MCRIP1: variants seen among roughly 807,000 people sequenced by gnomAD.
MCRIP1 encodes mapk-regulated corepressor-interacting protein 1.
A neutral mutation model predicts 14.4 loss-of-function variants in MCRIP1; 10 were observed. The observed-to-expected ratio is 0.70, with a 90% CI of 0.43 to 1.18. The LOEUF (loss-of-function observed/expected upper bound fraction) is 1.18. MCRIP1 is among the 50% of genes most tolerant of loss of function. MCRIP1 has a pLI of 0.00. For missense variants in MCRIP1, 119 were observed against 135.4 expected (o/e 0.88, Z 0.60); for synonymous variants, 53 against 55.7 (o/e 0.95, Z 0.21).
chr17:81,826,416 C>CA (rs1372512914), intron 1 of MCRIP1: 1 of 1,521,514 alleles, frequency 6.6e-7, no homozygotes, highest in East Asian at 2.5e-5. Context: ...CCCAGCTACT[C>CA]AGAGGCTGGG....
chr17:81,826,060 T>C, intron 1 of MCRIP1: 1 of 1,454,326 alleles, frequency 6.9e-7, no homozygotes, highest in Non-Finnish European at 9.1e-7. Context: ...GTGGCTCTTC[T>C]CCCCATGCAT....
intron 1 of MCRIP1, chr17:81,826,412 T>C: frequency 6.6e-7 from 1 of 1,525,024 alleles, no homozygotes; most frequent in Non-Finnish European, 8.8e-7. Context: ...TAGTCCCAGC[T>C]ACTCAGAGGC....
intron 1 of MCRIP1, chr17:81,826,400 T>C: frequency 6.5e-7 from 1 of 1,534,562 alleles, no homozygotes; most frequent in Non-Finnish European, 8.7e-7. Flanking sequence ...AGCATGCACT[T>C]GTAGTCCCAG....
intron 1 of MCRIP1, among the ~76,000 whole-genome samples, chr17:81,832,536 G>A (rs764002920): frequency 3.3e-5 from 5 of 152,212 alleles, no homozygotes; most frequent in African/African-American, 4.8e-5. Context: ...TTACACCTCA[G>A]GGCCTTTGGT....
Position 81,824,557 on chromosome 17 carries a change from G to A in MCRIP1, c.-48-3C>T, listed in dbSNP as rs931675853. 6.5e-7 allele frequency: 1 copy of A among 1,535,912 alleles called. No individual in the cohort carries two copies. Among genetic ancestry groups the A allele is most frequent in the Admixed American group, 2.0e-5 (1 of 50,996 alleles). On this transcript the variant is annotated splice_polypyrimidine_tract_variant and splice_region_variant and intron_variant, in intron 1 of 4. Transcript: ENST00000455127. Reference sequence around the variant, plus strand: ...CCACCGCCAGATCCCCTCAGCCTCTGAAACAGAAGCCAGCGCAGGCATGGG... The same window carrying A: ...CCACCGCCAGATCCCCTCAGCCTCTAAAACAGAAGCCAGCGCAGGCATGGG...
chr17:81,832,169 CTT>C (rs1174346659), intron 1 of MCRIP1, among the ~76,000 whole-genome samples: 1 of 152,198 alleles, frequency 6.6e-6, no homozygotes, highest in Non-Finnish European at 1.5e-5. Flanking sequence ...TAAGACTCCA[CTT>C]TCTCTTCGTG....
chr17:81,830,300 G>C (rs745867106), intron 1 of MCRIP1, among the ~76,000 whole-genome samples: 1 of 152,240 alleles, frequency 6.6e-6, no homozygotes, highest in African/African-American at 2.4e-5. Flanking sequence ...TGATGGACAG[G>C]ACAAGCATGT....
chr17:81,826,314 C>T (rs186524052), intron 1 of MCRIP1: 36 of 1,535,502 alleles, frequency 2.3e-5, no homozygotes, highest in Non-Finnish European at 2.9e-5. Context: ...TGCATACAAC[C>T]GCCCGCACAC....
intron 1 of MCRIP1, chr17:81,825,160 C>T: frequency 9.6e-7 from 1 of 1,036,650 alleles, no homozygotes; most frequent in Non-Finnish European, 1.2e-6. Flanking sequence ...AACCAAACTC[C>T]AGCTCCCCTG....
At position 81,823,359 on chromosome 17, in the gene MCRIP1, C is replaced by A; in HGVS notation, c.230-48G>T. The A allele has an allele frequency of 6.5e-7, 1 of 1,536,442 alleles. No individual in the cohort carries two copies. Among genetic ancestry groups the A allele is most frequent in the Middle Eastern group, 1.7e-4 (1 of 5,982 alleles). ...GTGGTGGGCACAGGCCCCTCCTGCC[C>A]ATGAGGCCCGGCCTGCCGGCCCAGC... On this transcript the variant is annotated intron_variant, in intron 4 of 4. Transcript: ENST00000455127. The surrounding 1 kb of genome is among the most constrained non-coding windows in gnomAD (Gnocchi z 6.0).
chr17:81,827,190 G>C (rs533977582), intron 1 of MCRIP1, among the ~76,000 whole-genome samples: 76 of 152,000 alleles, frequency 5.0e-4, no homozygotes, highest in African/African-American at 1.7e-3. Flanking sequence ...CACTTTGGGA[G>C]GCTAAAGAGG....
intron 1 of MCRIP1, chr17:81,826,759 AG>A: frequency 1.1e-5 from 2 of 186,138 alleles, no homozygotes; most frequent in South Asian, 1.7e-4. Context: ...GTGGAGGTGC[AG>A]TGAGCCAAGA....
chr17:81,823,148 A>T lies in MCRIP1; in HGVS notation c.*99T>A. 3 of 1,183,008 alleles carry T rather than the reference A, an allele frequency of 2.5e-6. No individual in the cohort carries two copies. Among genetic ancestry groups the T allele is most frequent in the Non-Finnish European group, 3.6e-6 (3 of 827,594 alleles). The allele number at this position is 1,183,008 out of a possible 1,614,324, so 73.3% of individuals were successfully genotyped here. A position where few individuals can be genotyped will look rare whatever the true frequency, so the allele number is the denominator to read the frequency against. On this transcript the variant is annotated 3_prime_UTR_variant, in exon 5 of 5. Coordinates refer to ENST00000455127, the MANE Select transcript of MCRIP1 (RefSeq NM_207368.5). The surrounding 1 kb of genome is among the most constrained non-coding windows in gnomAD (Gnocchi z 6.0). ...AGTGCTGGGATCTGCAGCCCGCTGG[A>T]GCAAGGCACCCCCATCCCAGGGGCA...
At chr17:81,826,326 CCTGT>C in intron 1 of MCRIP1, 2 of 1,535,614 alleles carry the variant, frequency 1.3e-6, no homozygotes, top group Non-Finnish European at 1.7e-6. Flanking sequence ...CCCGCACACA[CCTGT>C]CTGTACACAC....
At chr17:81,832,448 C>G (rs2038538676) in intron 1 of MCRIP1, among the ~76,000 whole-genome samples, 2 of 152,306 alleles carry the variant, frequency 1.3e-5, no homozygotes, top group African/African-American at 4.8e-5. Flanking sequence ...CCTGTTGGCT[C>G]TTCCTTCACG....
chr17:81,832,102 C>G (rs1218346839), intron 1 of MCRIP1, among the ~76,000 whole-genome samples: 4 of 152,210 alleles, frequency 2.6e-5, no homozygotes, highest in African/African-American at 9.7e-5. Context: ...GAGTTAGAAT[C>G]AGTGACGCCA....
chr17:81,825,861 G>C, intron 1 of MCRIP1: 1 of 1,289,960 alleles, frequency 7.8e-7, no homozygotes, highest in Non-Finnish European at 1.0e-6. Flanking sequence ...ACCAGAGCAC[G>C]GAGGGAAAGG....
At position 81,831,173 on chromosome 17, in the gene MCRIP1, C is replaced by CA. The variant is rs552681742; in HGVS notation, c.-49+2064dup. On this transcript the variant is annotated intron_variant, in intron 1 of 4. Transcript: ENST00000455127. Reference sequence around the variant, plus strand: ...GGCAACAGAGCAAGACTCTGTCTCTCAAAAAAAAAAAAAAAAATTAGCCAG... The same window carrying CA: ...GGCAACAGAGCAAGACTCTGTCTCTCAAAAAAAAAAAAAAAAAATTAGCCAG... Among the ~76,000 whole-genome samples the CA allele has an allele frequency of 7.1e-3, 815 of 114,010 alleles. 9 individuals are homozygous for CA. Among genetic ancestry groups the CA allele is most frequent in the East Asian group, 0.041 (174 of 4,268 alleles). 74.8% of individuals were successfully genotyped at this position (114,010 alleles called of 152,430 possible).
At chr17:81,826,339 A>G in intron 1 of MCRIP1, 2 of 1,535,492 alleles carry the variant, frequency 1.3e-6, no homozygotes, top group Non-Finnish European at 1.7e-6. Context: ...GTCTGTACAC[A>G]CCTGCCCACA....
Sources: allele counts gnomAD v4.1 joint callset (sites outside exome capture counted in the v4.1 genomes callset), GRCh38; gene constraint gnomAD v4.1.1; non-coding constraint Gnocchi (gnomAD v3.1); transcripts MANE v1.5; gene names NCBI Gene and HGNC (gene_info 2026-07-23, HGNC 2026-07-21).